The following SETD1B variants were observed in gnomAD, a reference collection of about 807,000 sequenced individuals.
SETD1B encodes histone-lysine N-methyltransferase SETD1B.
Under a neutral mutation model 148.0 loss-of-function variants are expected in SETD1B, and 7 were observed. That is an observed-to-expected ratio of 0.05 (90% CI 0.03 to 0.09). SETD1B has a LOEUF of 0.09. SETD1B is among the 10% of genes least tolerant of loss of function. The pLI, the probability that SETD1B is intolerant of heterozygous loss-of-function variation, is 1.00. For missense variants in SETD1B, 2,155 were observed against 2,729.9 expected, an observed-to-expected ratio of 0.79 and a Z score of 4.69; for synonymous variants, 1,361 against 1,186.5, an observed-to-expected ratio of 1.15 and a Z score of -3.02.
chr12:121,799,229 G>C (rs532479803), upstream of SETD1B: 10 of 152,398 alleles, frequency 6.6e-5, no homozygotes, highest in African/African-American at 2.4e-4. Flanking sequence ...CAAGGCCATA[G>C]CTGTTCAATG....
intron 6 of SETD1B, among the ~76,000 whole-genome samples, chr12:121,812,985 G>A (rs1363426088): frequency 1.3e-5 from 2 of 150,648 alleles, no homozygotes; most frequent in African/African-American, 4.9e-5. Flanking sequence ...CCCACCCCAA[G>A]TCCAGACCTG....
chr12:121,827,918 C>T lies in SETD1B; in HGVS notation c.5590-15C>T. On this transcript the variant is annotated splice_polypyrimidine_tract_variant and intron_variant, in intron 15 of 16. Coordinates refer to ENST00000604567, the MANE Select transcript of SETD1B (RefSeq NM_001353345.2). ...TGGGGCCGGCCCAGCCAGACTGACC[C>T]CCTTTTGTGGCCAGGTGATCGCAGA... 6.4e-7 allele frequency: 1 copy of T among 1,552,196 alleles called. No individual in the cohort carries two copies. Among genetic ancestry groups the T allele is most frequent in the Non-Finnish European group, 8.7e-7 (1 of 1,147,186 alleles).
At chr12:121,795,546 C>G in the SETD1B span, 1 of 152,298 alleles carries the variant, frequency 6.6e-6, no homozygotes, top group Non-Finnish European at 1.5e-5. Context: ...GTCAAGGTAA[C>G]CGGGGTCAGA....
chr12:121,801,640 A>G (rs548302474), upstream of SETD1B: 1 of 152,724 alleles, frequency 6.5e-6, no homozygotes, highest in East Asian at 1.9e-4. Flanking sequence ...GTTATTGTAA[A>G]AACATATATA....
chr12:121,826,185 A>T lies in SETD1B; in HGVS notation c.5337+819A>T, dbSNP rs1404412066. Reference sequence around the variant, plus strand: ...CTCAGCCTCCCAAAGTGTTGAGATTATAGGTGTGAGCCACGGTACCCAGCT... The same window carrying T: ...CTCAGCCTCCCAAAGTGTTGAGATTTTAGGTGTGAGCCACGGTACCCAGCT... On this transcript the variant is annotated intron_variant, in intron 13 of 16. Transcript: ENST00000604567. Among the ~76,000 whole-genome samples, 3 of 152,308 alleles carry T rather than the reference A, an allele frequency of 2.0e-5. No individual in the cohort carries two copies. The East Asian group carries it at 5.8e-4, about 29-fold the overall frequency.
Position 121,809,510 on chromosome 12 carries a change from C to T in SETD1B, c.658-93C>T. 3.6e-6 allele frequency: 5 copies of T among 1,383,496 alleles called. No individual in the cohort carries two copies. The South Asian group carries it at 7.4e-5, about 20-fold the overall frequency. 85.7% of individuals were successfully genotyped at this position (1,383,496 alleles called of 1,614,324 possible). A position where few individuals can be genotyped will look rare whatever the true frequency, so the allele number is the denominator to read the frequency against. On this transcript the variant is annotated intron_variant, in intron 5 of 16. Coordinates refer to ENST00000604567, the MANE Select transcript of SETD1B (RefSeq NM_001353345.2). The stretch of plus-strand genomic sequence containing the variant: ...GCTGCAGTTCTAGAGCAGTTTGGCT[C>T]TGAGCTTCCCAGCAGCCAGAGTGAG...
chr12:121,797,729 G>C, the SETD1B span: 1 of 391,486 alleles, frequency 2.6e-6, no homozygotes, highest in African/African-American at 2.1e-5. Flanking sequence ...AGACTCTAAA[G>C]GGAGGCGCCA....
Position 121,817,490 on chromosome 12 carries a change from GGGA to G in SETD1B, c.3105_3107del (p.Glu1035del). On this transcript the variant is annotated inframe_deletion, in exon 9 of 17. Coordinates refer to ENST00000604567, the MANE Select transcript of SETD1B (RefSeq NM_001353345.2). This position sits in a 1 kb window ranked among gnomAD's most constrained non-coding sequence, Gnocchi z 8.1. ...CGGCCTCTGGAGCTGGACAGTGGTGGGGAGGAGGACGAGAAGGAGTCATTGTCG... is the reference window on the plus strand; with the variant it reads ...CGGCCTCTGGAGCTGGACAGTGGTGGGGAGGACGAGAAGGAGTCATTGTCG... 6.4e-7 allele frequency: 1 copy of G among 1,551,174 alleles called. No homozygotes were observed. The highest frequency in any genetic ancestry group is 8.7e-7 in the Non-Finnish European group (1 of 1,146,736).
At position 121,819,718 on chromosome 12, in the gene SETD1B, G is replaced by A. The variant is rs1317436414; in HGVS notation, c.3733G>A (p.Glu1245Lys). ...DIETEAVAPE[E>K]RPSMLDEPPL... ...CGAGACTGAGGCTGTGGCCCCTGAG[G>A]AGCGGCCCTCCATGCTGGACGAGCC... is the stretch of plus-strand genomic sequence containing the variant. Residue 1245 changes from glutamate (E) to lysine (K), a missense_variant, in exon 11 of 17, where the codon GAG becomes AAG. Glu to Lys is a moderately conservative substitution (Grantham distance 56). Around this residue, in one of 11 missense-constraint regions of SETD1B, gnomAD observed 862 missense variants for 873.8 expected, o/e 0.99. Transcript: ENST00000604567. The A allele has an allele frequency of 1.0e-5, 16 of 1,551,210 alleles. No individual in the cohort carries two copies. The East Asian group carries it at 3.7e-4, about 36-fold the overall frequency.
In SETD1B at chr12:121,805,727, T is replaced by G; in HGVS notation, c.274-108T>G. The G allele has an allele frequency of 8.8e-7, 1 of 1,131,058 alleles. No homozygotes were observed. The highest frequency in any genetic ancestry group is 1.2e-6 in the Non-Finnish European group (1 of 821,826). The allele number at this position is 1,131,058 out of a possible 1,614,324, so 70.1% of individuals were successfully genotyped here. On this transcript the variant is annotated intron_variant, in intron 3 of 16. Coordinates refer to ENST00000604567, the MANE Select transcript of SETD1B (RefSeq NM_001353345.2). This position sits in a 1 kb window ranked among gnomAD's most constrained non-coding sequence, Gnocchi z 4.2. ...TTTTAATTTTTAGTTTTTTTACCCTTTATTGTTTTCAACGGGTGGGCGAGT... is the reference window on the plus strand; with the variant it reads ...TTTTAATTTTTAGTTTTTTTACCCTGTATTGTTTTCAACGGGTGGGCGAGT...
intron 10 of SETD1B, 40 bp from the exon 11 acceptor site, chr12:121,819,364 C>G: frequency 1.3e-6 from 2 of 1,549,896 alleles, no homozygotes; most frequent in South Asian, 2.4e-5. Flanking sequence ...TGGGGCACAG[C>G]GGGTCCTCAG....
At chr12:121,812,955 C>T (rs1876111366) in intron 6 of SETD1B, among the ~76,000 whole-genome samples, 1 of 152,088 alleles carries the variant, frequency 6.6e-6, no homozygotes, top group African/African-American at 2.4e-5. Context: ...CCCCACTCCC[C>T]CTCAGCCTTC....
rs776295722 is a variant in SETD1B, at chr12:121,810,199, C to T, written c.1254C>T (p.Ala418=). The change falls in exon 6 of 17, where the codon GCC becomes GCT. Residue 418 remains alanine, a synonymous_variant. Transcript: ENST00000604567. This position sits in a 1 kb window ranked among gnomAD's most constrained non-coding sequence, Gnocchi z 7.6. ...PPPPEEPTAT[A]AFGARDSGEF... ...CCCCGGAAGAGCCCACCGCCACAGC[C>T]GCTTTTGGGGCCCGCGACAGTGGGG... 33 of 1,549,604 alleles carry T rather than the reference C, an allele frequency of 2.1e-5. No homozygotes were observed. Among genetic ancestry groups the T allele is most frequent in the South Asian group, 1.2e-4 (10 of 84,034 alleles).
upstream of SETD1B, chr12:121,803,940 GGGAGGAGGAAGAGGAGGA>G (rs1212529626): frequency 1.8e-4 from 28 of 159,254 alleles, no homozygotes; most frequent in African/African-American, 2.6e-4. The surrounding 1 kb of genome is among the most constrained non-coding windows in gnomAD (Gnocchi z 4.7). Flanking sequence ...GGAAGGAGAG[GGGAGGAGGAAGAGGAGGA>G]GGAGGAGGAA....
At chr12:121,798,584 C>T in the SETD1B span, among the ~76,000 whole-genome samples, 1 of 152,258 alleles carries the variant, frequency 6.6e-6, no homozygotes, top group Non-Finnish European at 1.5e-5. Context: ...AGGTCACCAG[C>T]ACTGAGAGAT....
At chr12:121,819,214 A>G (rs1876446131) in intron 10 of SETD1B, among the ~76,000 whole-genome samples, 190 bp from the exon 11 acceptor site, 1 of 152,198 alleles carries the variant, frequency 6.6e-6, no homozygotes, top group Non-Finnish European at 1.5e-5. Flanking sequence ...ACTGCACTCC[A>G]GTCTGGGCAA....
chr12:121,805,213 C>T lies in SETD1B; in HGVS notation c.270C>T (p.Phe90=). The change falls in exon 3 of 17, where the codon TTC becomes TTT. Residue 90 remains phenylalanine (F), a synonymous_variant. Coordinates refer to ENST00000604567, the MANE Select transcript of SETD1B (RefSeq NM_001353345.2). This position sits in a 1 kb window ranked among gnomAD's most constrained non-coding sequence, Gnocchi z 4.2. ...AGCTGGAGCTGTCGGTGCCCAAATT[C>T]AAGGTAGGACCCCTCCCCACTGCCC... ...NKELELSVPK[F]KIDEFYVGPV... is the part of the protein sequence containing the mutation. The T allele has an allele frequency of 6.5e-7, 1 of 1,550,016 alleles. No homozygotes were observed. Among genetic ancestry groups the T allele is most frequent in the Non-Finnish European group, 8.7e-7 (1 of 1,146,698 alleles).
the SETD1B span, chr12:121,793,163 T>C: frequency 2.6e-5 from 41 of 1,550,326 alleles, no homozygotes; most frequent in Non-Finnish European, 3.5e-5. Context: ...GGCCGTGTCG[T>C]AGAGGTTCAG....
the SETD1B span, chr12:121,798,000 G>A: frequency 5.0e-6 from 1 of 198,092 alleles, no homozygotes; most frequent in South Asian, 6.9e-5. Flanking sequence ...GCCCTCACAG[G>A]AGGAGCCAAC....
Sources: allele counts gnomAD v4.1 joint callset (sites outside exome capture counted in the v4.1 genomes callset), GRCh38; gene constraint gnomAD v4.1.1; regional missense constraint gnomAD v4.1.1; non-coding constraint Gnocchi (gnomAD v3.1); transcripts MANE v1.5; gene names NCBI Gene and HGNC (gene_info 2026-07-23, HGNC 2026-07-21).